LRRC8D: variants seen among roughly 807,000 people sequenced by gnomAD.
The protein encoded by LRRC8D is volume-regulated anion channel subunit LRRC8D.
LRRC8D carries 20 observed loss-of-function variants against 55.8 expected under a neutral mutation model. The observed-to-expected ratio is 0.36, with a 90% CI of 0.25 to 0.52. LRRC8D has a LOEUF of 0.52. Among genes scored for constraint, LRRC8D ranks in the 20% least tolerant of loss-of-function variants. The pLI is 0.93. For missense variants in LRRC8D, 651 were observed against 1,030.8 expected (o/e 0.63, Z 5.05); for synonymous variants, 352 against 377.0 (o/e 0.93, Z 0.77).
chr1:89,853,016 T>C (rs1661460578), intron 2 of LRRC8D, among the ~76,000 whole-genome samples: 2 of 152,194 alleles, frequency 1.3e-5, no homozygotes, highest in African/African-American at 4.8e-5. Flanking sequence ...ATCACTGTTT[T>C]CAGATATGTG....
chr1:89,850,694 T>C (rs777271849), intron 2 of LRRC8D, among the ~76,000 whole-genome samples: 11 of 152,248 alleles, frequency 7.2e-5, no homozygotes, highest in Non-Finnish European at 1.3e-4. Context: ...CAGCCTGTCA[T>C]TGATGGACAT....
chr1:89,912,736 T>C (rs948450871), intron 2 of LRRC8D, among the ~76,000 whole-genome samples: 6 of 152,224 alleles, frequency 3.9e-5, no homozygotes, highest in Non-Finnish European at 7.3e-5. Flanking sequence ...TAAATTACAA[T>C]ATATTGTTCA....
At chr1:89,880,097 G>A (rs911199396) in intron 2 of LRRC8D, among the ~76,000 whole-genome samples, 1 of 151,358 alleles carries the variant, frequency 6.6e-6, no homozygotes, top group East Asian at 1.9e-4. Flanking sequence ...ATGTCTCTAC[G>A]ACGTTTGGTA....
intron 2 of LRRC8D, among the ~76,000 whole-genome samples, chr1:89,894,999 C>G (rs1662669346): frequency 6.6e-6 from 1 of 151,228 alleles, no homozygotes; most frequent in African/African-American, 2.4e-5. Context: ...AGGTCTCCCA[C>G]CCCCACCCCA....
intron 2 of LRRC8D, among the ~76,000 whole-genome samples, chr1:89,922,629 G>A (rs189763960): frequency 2.0e-4 from 31 of 152,248 alleles, no homozygotes; most frequent in Middle Eastern, 3.4e-3. Flanking sequence ...TTCCTAATAC[G>A]TTACACTGTG....
At chr1:89,929,741 A>G (rs954758131) in intron 2 of LRRC8D, 1 of 152,344 alleles carries the variant, frequency 6.6e-6, no homozygotes, top group South Asian at 2.1e-4. Context: ...GCATGTATGT[A>G]TGTATTCATA....
At chr1:89,833,094 C>T (rs1345873573) in intron 1 of LRRC8D, among the ~76,000 whole-genome samples, 4 of 152,188 alleles carry the variant, frequency 2.6e-5, no homozygotes, top group African/African-American at 7.2e-5. Context: ...CTTCATTGCC[C>T]CTTGAACTCT....
chr1:89,844,000 C>T (rs1661210831), intron 2 of LRRC8D, among the ~76,000 whole-genome samples: 1 of 152,240 alleles, frequency 6.6e-6, no homozygotes, highest in Admixed American at 6.5e-5. Flanking sequence ...GAGCCGCCTG[C>T]GAGGACTCCA....
chr1:89,915,337 T>C (rs916264173), intron 2 of LRRC8D, among the ~76,000 whole-genome samples: 2 of 152,230 alleles, frequency 1.3e-5, no homozygotes, highest in African/African-American at 4.8e-5. Context: ...AATCCTACAA[T>C]TACAGTTGTA....
At chr1:89,858,977 A>C (rs1344506787) in intron 2 of LRRC8D, among the ~76,000 whole-genome samples, 4 of 152,202 alleles carry the variant, frequency 2.6e-5, no homozygotes, top group African/African-American at 9.6e-5. Flanking sequence ...TTCACAATAC[A>C]CTGATTATTA....
chr1:89,867,688 A>G (rs910862602), intron 2 of LRRC8D, among the ~76,000 whole-genome samples: 3 of 152,214 alleles, frequency 2.0e-5, no homozygotes, highest in Non-Finnish European at 4.4e-5. Context: ...GGAACTGCCA[A>G]GCTGTTTTCC....
chr1:89,841,396 A>ACCCC lies in LRRC8D; in HGVS notation c.-147-2236_-147-2233dup, dbSNP rs56089566. ...TGGAGGCCTCAGTATTGTCAAGACC[A>ACCCC]CCCCCCCCCTTTTTTTTGTGAGTGC... On this transcript the variant is annotated intron_variant, in intron 1 of 2. Transcript: ENST00000337338. Among the ~76,000 whole-genome samples, 64 of 144,448 alleles carry ACCCC rather than the reference A, an allele frequency of 4.4e-4. 1 individual carries two copies. The highest frequency in any genetic ancestry group is 1.0e-3 in the East Asian group (5 of 4,854). The allele number at this position is 144,448 out of a possible 152,430, so 94.8% of individuals were successfully genotyped here.
Position 89,865,330 on chromosome 1 carries a change from T to TTATATATA in LRRC8D, c.-3+21571_-3+21578dup, listed in dbSNP as rs34852331. 3.4e-4 allele frequency among the ~76,000 whole-genome samples: 47 copies of TTATATATA among 139,286 alleles called. 1 individual carries two copies. The highest frequency in any genetic ancestry group is 6.9e-4 in the South Asian group (3 of 4,360). The allele number at this position is 139,286 out of a possible 152,430, so 91.4% of individuals were successfully genotyped here. A position where few individuals can be genotyped will look rare whatever the true frequency, so the allele number is the denominator to read the frequency against. On this transcript the variant is annotated intron_variant, in intron 2 of 2. Transcript: ENST00000337338. ...GTACTAAATATGTATAAACATGAAA[T>TTATATATA]TATATATATATATATATATATATAT...
chr1:89,899,791 T>A (rs181730665), intron 2 of LRRC8D, among the ~76,000 whole-genome samples: 2 of 152,366 alleles, frequency 1.3e-5, no homozygotes, highest in African/African-American at 4.8e-5. Flanking sequence ...TCAGAACTGA[T>A]GGTCCTGGGG....
At chr1:89,914,703 T>G (rs1383188993) in intron 2 of LRRC8D, among the ~76,000 whole-genome samples, 5 of 152,048 alleles carry the variant, frequency 3.3e-5, no homozygotes, top group Admixed American at 6.5e-5. Flanking sequence ...ATCACAGTTT[T>G]TTTTTTTTTT....
At chr1:89,925,439 C>T (rs1481151519) in intron 2 of LRRC8D, among the ~76,000 whole-genome samples, 5 of 152,108 alleles carry the variant, frequency 3.3e-5, no homozygotes, top group African/African-American at 1.2e-4. Flanking sequence ...CCATCCCCCT[C>T]CCCCGTCCAT....
intron 2 of LRRC8D, among the ~76,000 whole-genome samples, chr1:89,901,856 T>A (rs1662863502): frequency 1.3e-5 from 2 of 152,266 alleles, no homozygotes; most frequent in East Asian, 3.8e-4. Context: ...TTGCAGTACG[T>A]CGTGCCTCTG....
At chr1:89,901,295 G>A (rs925534725) in intron 2 of LRRC8D, among the ~76,000 whole-genome samples, 4 of 152,200 alleles carry the variant, frequency 2.6e-5, no homozygotes, top group African/African-American at 9.7e-5. Context: ...AGGCAGCCAG[G>A]AAGCCAGATT....
intron 2 of LRRC8D, among the ~76,000 whole-genome samples, chr1:89,887,838 A>T (rs1166500547): frequency 6.6e-6 from 1 of 152,190 alleles, no homozygotes; most frequent in African/African-American, 2.4e-5. Context: ...TATTTTCTTT[A>T]TAATGTTACC....
Sources: gnomAD v4.1 joint callset for allele counts (sites outside exome capture counted in the v4.1 genomes callset) on GRCh38, gnomAD v4.1.1 for gene constraint, MANE v1.5 for transcripts, NCBI Gene and HGNC (gene_info 2026-07-23, HGNC 2026-07-21) for gene names.